The following PEX13 variants were observed in gnomAD, a reference collection of about 807,000 sequenced individuals.
PEX13 encodes the protein peroxisomal biogenesis factor 13, also known as peroxisome biogenesis factor 13.
A neutral mutation model predicts 34.5 loss-of-function variants in PEX13; 28 were observed. The ratio of observed to expected loss-of-function variants is 0.81; its 90% confidence interval spans 0.60 to 1.11. PEX13 has a LOEUF of 1.11. PEX13 is among the 50% of genes most tolerant of loss of function. The probability of loss-of-function intolerance (pLI) is 0.00; values close to 1 mark genes in which losing one functional copy is unlikely to be tolerated. For synonymous variants in PEX13, 177 were observed against 175.1 expected, an observed-to-expected ratio of 1.01 and a Z score of -0.09; for missense variants, 550 against 491.0, an observed-to-expected ratio of 1.12 and a Z score of -1.13.
chr2:61,027,315 G>A (rs1231718738), intron 1 of PEX13, among the ~76,000 whole-genome samples: 3 of 149,884 alleles, frequency 2.0e-5, no homozygotes, highest in African/African-American at 4.9e-5. Context: ...CTCCAGCTTG[G>A]GTGACAGAGT....
At position 61,034,401 on chromosome 2, in the gene PEX13, C is replaced by T. The variant is rs530633933; in HGVS notation, c.787+2288C>T. Among the ~76,000 whole-genome samples, 37 of 152,330 alleles carry T rather than the reference C, an allele frequency of 2.4e-4. No individual in the cohort carries two copies. The East Asian group carries it at 6.4e-3, about 26-fold the overall frequency. On this transcript the variant is annotated intron_variant, in intron 2 of 3. Transcript: ENST00000295030. ...CTCCCAGCAAGATCGACGCAGAAGGCGGGTGATATCTGCATCTCCAACTGA... is the reference window on the plus strand; with the variant it reads ...CTCCCAGCAAGATCGACGCAGAAGGTGGGTGATATCTGCATCTCCAACTGA...
In PEX13 at chr2:61,017,755, A is replaced by C; in HGVS notation, c.-5A>C. 1 of 1,548,934 alleles carries C rather than the reference A, an allele frequency of 6.5e-7. No individual in the cohort carries two copies. The highest frequency in any genetic ancestry group is 8.7e-7 in the Non-Finnish European group (1 of 1,146,354). On this transcript the variant is annotated 5_prime_UTR_variant, in exon 1 of 4. Coordinates refer to ENST00000295030, the MANE Select transcript of PEX13 (RefSeq NM_002618.4). ...AGGAGCGGGAGCCGAGAGGAGGCGG[A>C]GGAGATGGCGTCCCAGCCGCCACCT...
rs77249060 is a variant in PEX13, at chr2:61,028,408, G to T, written c.93-3011G>T. On this transcript the variant is annotated intron_variant, in intron 1 of 3. Coordinates refer to ENST00000295030, the MANE Select transcript of PEX13 (RefSeq NM_002618.4). ...CTTTCTTTTCTTTTTTTTTTTTTTT[G>T]AAACAGAGTCTCACTGTGTCACCCA... Among the ~76,000 whole-genome samples, 917 of 104,148 alleles carry T rather than the reference G, an allele frequency of 8.8e-3. 10 individuals are homozygous for T. The highest frequency in any genetic ancestry group is 0.03 in the African/African-American group (808 of 26,950). The allele number at this position is 104,148 out of a possible 152,430, so 68.3% of individuals were successfully genotyped here. A position where few individuals can be genotyped will look rare whatever the true frequency, so the allele number is the denominator to read the frequency against.
At chr2:61,046,532 A>G (rs914913014) in intron 3 of PEX13, among the ~76,000 whole-genome samples, 1 of 152,224 alleles carries the variant, frequency 6.6e-6, no homozygotes, top group Non-Finnish European at 1.5e-5. Flanking sequence ...TAACAATAAC[A>G]TGTTATTTAT....
chr2:61,047,115 AC>A (rs923640935), intron 3 of PEX13, among the ~76,000 whole-genome samples: 2 of 151,916 alleles, frequency 1.3e-5, no homozygotes, highest in African/African-American at 2.4e-5. Flanking sequence ...GAAAAAAAAA[AC>A]AAACCTCTAG....
rs377426614 is a variant in PEX13, at chr2:61,045,819, G to A, written c.881G>A (p.Arg294Gln). 1.9e-5 allele frequency: 30 copies of A among 1,612,984 alleles called. No individual in the cohort carries two copies. The highest frequency in any genetic ancestry group is 6.6e-5 in the South Asian group (6 of 91,042). Residue 294 changes from arginine to glutamine, a missense_variant, in exon 3 of 4, where the codon CGG becomes CAG. Physicochemically the swap from Arg to Gln is conservative, Grantham distance 43 (BLOSUM62 1). Coordinates refer to ENST00000295030, the MANE Select transcript of PEX13 (RefSeq NM_002618.4). ...GTATCTGAAGAAGAAATTTCTTTCC[G>A]GGCTGGTGATATGCTGAACTTAGCT... Reference protein sequence around the residue: ...AAVSEEEISFRAGDMLNLALK... With the variant: ...AAVSEEEISFQAGDMLNLALK...
Position 61,048,419 on chromosome 2 carries a change from G to T in PEX13, c.914-53G>T, listed in dbSNP as rs543168929. On this transcript the variant is annotated intron_variant, in intron 3 of 3. Transcript: ENST00000295030. ...TGTGATATTTTACCATTACTATTCT[G>T]TTGGACCTCCAAAGTATATTGTAAT... 10 of 1,440,854 alleles carry T rather than the reference G, an allele frequency of 6.9e-6. 1 individual carries two copies. In the South Asian group the frequency reaches 1.1e-4, roughly 16 times the overall value. The allele number at this position is 1,440,854 out of a possible 1,614,324, so 89.3% of individuals were successfully genotyped here.
At position 61,048,675 on chromosome 2, in the gene PEX13, C is replaced by T. The variant is rs1410031841; in HGVS notation, c.1117C>T (p.Gln373Ter). ...GATVADSLDE[Q>*]EAAFESVFVE... ...CACGGTTGCTGATTCTTTGGATGAA[C>T]AGGAAGCTGCCTTTGAATCTGTTTT... Residue 373 changes from glutamine to a stop codon, truncating the protein, a stop_gained, in exon 4 of 4, where the codon CAG (glutamine) becomes TAG (stop). Coordinates refer to ENST00000295030, the MANE Select transcript of PEX13 (RefSeq NM_002618.4). LOFTEE classifies it high-confidence loss of function. 3.1e-6 allele frequency: 5 copies of T among 1,613,588 alleles called. No homozygotes were observed. The highest frequency in any genetic ancestry group is 2.2e-5 in the East Asian group (1 of 44,882).
intron 1 of PEX13, among the ~76,000 whole-genome samples, chr2:61,022,994 T>C (rs549354150): frequency 6.6e-6 from 1 of 151,324 alleles, no homozygotes; most frequent in South Asian, 2.1e-4. Context: ...GATAGGTTTT[T>C]CTGTTGAGTC....
rs1680759933 is a variant in PEX13, at chr2:61,049,398, T to G, written c.*628T>G. On this transcript the variant is annotated 3_prime_UTR_variant, in exon 4 of 4. Coordinates refer to ENST00000295030, the MANE Select transcript of PEX13 (RefSeq NM_002618.4). Reference sequence around the variant, plus strand: ...TCTAGAATTATAGAGTATGTAGCCCTAATAGTTTTCCCTCCTAGCAAAAAG... The same window carrying G: ...TCTAGAATTATAGAGTATGTAGCCCGAATAGTTTTCCCTCCTAGCAAAAAG... 6.6e-6 allele frequency: 1 copy of G among 152,442 alleles called. No individual in the cohort carries two copies. The highest frequency in any genetic ancestry group is 1.9e-4 in the East Asian group (1 of 5,338). 9.4% of individuals were successfully genotyped at this position (152,442 alleles called of 1,614,324 possible).
At position 61,048,471 on chromosome 2, in the gene PEX13, GAAC is replaced by G; in HGVS notation, c.920_922del (p.Gln307del). On this transcript the variant is annotated inframe_deletion and splice_region_variant, in exon 4 of 4. Coordinates refer to ENST00000295030, the MANE Select transcript of PEX13 (RefSeq NM_002618.4). ...ACAAGACTGTCTTTTTTTTCCATCA[GAAC>G]AACAACCCAAAGTGCGTGGTTGGCT... 6.2e-7 allele frequency: 1 copy of G among 1,612,918 alleles called. No individual in the cohort carries two copies. Among genetic ancestry groups the G allele is most frequent in the South Asian group, 1.1e-5 (1 of 91,044 alleles).
At chr2:61,046,421 A>C (rs1680705369) in intron 3 of PEX13, among the ~76,000 whole-genome samples, 1 of 152,166 alleles carries the variant, frequency 6.6e-6, no homozygotes, top group Non-Finnish European at 1.5e-5. Context: ...ACCCTTCCTG[A>C]GTAATGATTA....
rs779675351 is a variant in PEX13 at position 61,031,373 on chromosome 2, T to C, written c.93-46T>C. On this transcript the variant is annotated intron_variant, in intron 1 of 3. Transcript: ENST00000295030. ...TGTTTAATACTTACTTTGAATTGAA[T>C]TTATTGTATGCTTAAATAACTGTTT... 1.1e-5 allele frequency: 16 copies of C among 1,408,526 alleles called. No individual in the cohort carries two copies. In the South Asian group the frequency reaches 1.6e-4, roughly 14 times the overall value. 87.3% of individuals were successfully genotyped at this position (1,408,526 alleles called of 1,614,324 possible). A position where few individuals can be genotyped will look rare whatever the true frequency, so the allele number is the denominator to read the frequency against.
chr2:61,036,169 A>G (rs1680531341), intron 2 of PEX13, among the ~76,000 whole-genome samples: 3 of 152,332 alleles, frequency 2.0e-5, no homozygotes, highest in Admixed American at 1.3e-4. Context: ...ATGTACCGGA[A>G]AGTGATAGGG....
chr2:61,020,425 T>G (rs1680235911), intron 1 of PEX13, among the ~76,000 whole-genome samples: 1 of 152,196 alleles, frequency 6.6e-6, no homozygotes, highest in African/African-American at 2.4e-5. Context: ...TACAGCATAA[T>G]CTCAAACTCT....
Position 61,031,436 on chromosome 2 carries a change from C to T in PEX13, c.110C>T (p.Pro37Leu). 6.2e-7 allele frequency: 1 copy of T among 1,613,958 alleles called. No individual in the cohort carries two copies. The highest frequency in any genetic ancestry group is 8.5e-7 in the Non-Finnish European group (1 of 1,179,886). ...GPTFQSADLG[P>L]TLMTRPGQPA... Reference sequence around the variant, plus strand: ...GGTTTTAGATCTGCTGATTTGGGTCCTACTTTAATGACAAGACCTGGACAA... The same window carrying T: ...GGTTTTAGATCTGCTGATTTGGGTCTTACTTTAATGACAAGACCTGGACAA... The change falls in exon 2 of 4, where the codon CCT becomes CTT. Residue 37 changes from proline (P) to leucine (L), a missense_variant. Coordinates refer to ENST00000295030, the MANE Select transcript of PEX13 (RefSeq NM_002618.4).
At chr2:61,018,471 T>G in intron 1 of PEX13, 1 of 641,286 alleles carries the variant, frequency 1.6e-6, no homozygotes, top group Non-Finnish European at 2.4e-6. Context: ...AGGCCTGTAT[T>G]TTTTTTTTGT....
At chr2:61,019,412 T>C (rs1680203865) in intron 1 of PEX13, among the ~76,000 whole-genome samples, 1 of 152,108 alleles carries the variant, frequency 6.6e-6, no homozygotes, top group African/African-American at 2.4e-5. Context: ...CAATTTTTTG[T>C]ACAGATGTTT....
rs369462002 is a variant in PEX13, at chr2:61,048,633, A to G, written c.1075A>G (p.Thr359Ala). ...SKQQQSFTNPTLTKGATVADS... is the reference protein window; with the variant it reads ...SKQQQSFTNPALTKGATVADS... ...GCAGCAACAATCTTTTACCAACCCA[A>G]CACTAACTAAAGGAGCCACGGTTGC... The change falls in exon 4 of 4, where the codon ACA becomes GCA. Residue 359 changes from threonine (T) to alanine (A), a missense_variant. Physicochemically the swap from Thr to Ala is moderately conservative, Grantham distance 58. Transcript: ENST00000295030. The G allele has an allele frequency of 5.6e-6, 9 of 1,614,140 alleles. No homozygotes were observed. The highest frequency in any genetic ancestry group is 1.7e-5 in the Admixed American group (1 of 60,016).
Sources: allele counts gnomAD v4.1 joint callset (sites outside exome capture counted in the v4.1 genomes callset), GRCh38; gene constraint gnomAD v4.1.1; transcripts MANE v1.5; gene names NCBI Gene and HGNC (gene_info 2026-07-23, HGNC 2026-07-21).